Variants in TCERG1L observed in about 807,000 individuals in gnomAD.
TCERG1L encodes the protein transcription elongation regulator 1-like protein.
A neutral mutation model predicts 56.3 loss-of-function variants in TCERG1L; 37 were observed. The ratio of observed to expected loss-of-function variants is 0.66; its 90% CI spans 0.51 to 0.87. The LOEUF is 0.87. TCERG1L is among the 40% of genes least tolerant of loss of function. The pLI is 0.00. For missense variants in TCERG1L, 799 were observed against 774.2 expected, an observed-to-expected ratio of 1.03 and a Z score of -0.38; for synonymous variants, 324 against 326.3, an observed-to-expected ratio of 0.99 and a Z score of 0.08.
intron 6 of TCERG1L, chr10:131,162,025 G>A (rs1390098324): frequency 6.6e-6 from 1 of 152,262 alleles, no homozygotes; most frequent in Non-Finnish European, 1.5e-5. Context: ...AGGAGGTCAT[G>A]GGAACCCCAG....
intron 4 of TCERG1L, among the ~76,000 whole-genome samples, chr10:131,223,708 G>A (rs1564819622): frequency 6.6e-6 from 1 of 151,126 alleles, no homozygotes; most frequent in Non-Finnish European, 1.5e-5. Flanking sequence ...ACACACACAT[G>A]CTCACACACA....
chr10:131,175,557 C>T (rs944954084), intron 4 of TCERG1L, among the ~76,000 whole-genome samples: 2 of 152,250 alleles, frequency 1.3e-5, no homozygotes, highest in Admixed American at 1.3e-4. Context: ...CCACCTCTGA[C>T]CTCAATACAC....
intron 9 of TCERG1L, among the ~76,000 whole-genome samples, chr10:131,109,411 G>A (rs919936978): frequency 5.3e-5 from 8 of 152,098 alleles, no homozygotes; most frequent in Non-Finnish European, 8.8e-5. Flanking sequence ...TGTGACCGTG[G>A]CTGGGTCTGT....
intron 5 of TCERG1L, among the ~76,000 whole-genome samples, chr10:131,165,092 T>C (rs998557941): frequency 1.3e-5 from 2 of 152,200 alleles, no homozygotes; most frequent in Admixed American, 6.5e-5. Flanking sequence ...TAAGAGACAA[T>C]GGTGAGATAA....
At chr10:131,253,933 G>T (rs1846140548) in intron 4 of TCERG1L, among the ~76,000 whole-genome samples, 1 of 152,158 alleles carries the variant, frequency 6.6e-6, no homozygotes, top group Non-Finnish European at 1.5e-5. Context: ...TGACACCGAA[G>T]AGAATTGCCG....
intron 3 of TCERG1L, among the ~76,000 whole-genome samples, chr10:131,289,269 T>C (rs975670093): frequency 1.9e-4 from 29 of 152,160 alleles, no homozygotes; most frequent in Non-Finnish European, 4.0e-4. Context: ...CAGCAGGTGA[T>C]ACTCTCCTTT....
chr10:131,269,757 A>G (rs2133551847), intron 3 of TCERG1L, among the ~76,000 whole-genome samples: 1 of 152,370 alleles, frequency 6.6e-6, no homozygotes, highest in South Asian at 2.1e-4. Flanking sequence ...TAACAGAGAC[A>G]TGAAGTGAGC....
intron 4 of TCERG1L, among the ~76,000 whole-genome samples, chr10:131,229,977 C>T (rs747975607): frequency 6.6e-6 from 1 of 152,204 alleles, no homozygotes; most frequent in Non-Finnish European, 1.5e-5. Flanking sequence ...TTCCCCTCCG[C>T]AGAAGCAGCT....
At chr10:131,167,445 C>T (rs924597005) in intron 4 of TCERG1L, among the ~76,000 whole-genome samples, 1 of 152,226 alleles carries the variant, frequency 6.6e-6, no homozygotes, top group Non-Finnish European at 1.5e-5. Flanking sequence ...TGCCAACCTG[C>T]GCCCTGGACT....
At chr10:131,165,166 C>T (rs1473772630) in intron 5 of TCERG1L, among the ~76,000 whole-genome samples, 1 of 152,310 alleles carries the variant, frequency 6.6e-6, no homozygotes, top group East Asian at 1.9e-4. Flanking sequence ...CAGAGTGAAG[C>T]TGCGTCTTGG....
chr10:131,157,362 C>A (rs1845934778), intron 6 of TCERG1L, among the ~76,000 whole-genome samples: 1 of 152,092 alleles, frequency 6.6e-6, no homozygotes, highest in Admixed American at 6.5e-5. Flanking sequence ...ACAAAAATAG[C>A]TAACTACTCG....
intron 6 of TCERG1L, among the ~76,000 whole-genome samples, chr10:131,152,846 A>G (rs10829927): frequency 0.2 from 31,133 of 152,184 alleles, 3,574 homozygotes; most frequent in South Asian, 0.37. Context: ...AGGGTGGCAG[A>G]AGAGAGAATG....
rs147507020 is a variant in TCERG1L, at chr10:131,243,352, T to C, written c.856+16907A>G. On this transcript the variant is annotated intron_variant, in intron 4 of 11. Coordinates refer to ENST00000368642, the MANE Select transcript of TCERG1L (RefSeq NM_174937.4). ...ATCCCAGCATTCTGGGAGGCCGAGATGGGTGGATCACTTGAGGTCAGGAGT... is the reference window on the plus strand; with the variant it reads ...ATCCCAGCATTCTGGGAGGCCGAGACGGGTGGATCACTTGAGGTCAGGAGT... Among the ~76,000 whole-genome samples, 772 of 152,210 alleles carry C rather than the reference T, an allele frequency of 5.1e-3. 10 individuals carry two copies. The highest frequency in any genetic ancestry group is 0.01 in the Middle Eastern group (3 of 294).
At chr10:131,211,258 T>C (rs1176687285) in intron 4 of TCERG1L, among the ~76,000 whole-genome samples, 1 of 152,232 alleles carries the variant, frequency 6.6e-6, no homozygotes, top group Non-Finnish European at 1.5e-5. Flanking sequence ...TGAGGAGGAC[T>C]GTCCCTGGCC....
At chr10:131,138,689 C>T (rs780521125) in intron 7 of TCERG1L, among the ~76,000 whole-genome samples, 4 of 152,266 alleles carry the variant, frequency 2.6e-5, no homozygotes, top group Non-Finnish European at 4.4e-5. Flanking sequence ...AGGGGAAAAT[C>T]GTTGTGACAC....
intron 3 of TCERG1L, among the ~76,000 whole-genome samples, chr10:131,271,802 G>A (rs1426975048): frequency 1.3e-5 from 2 of 152,208 alleles, no homozygotes; most frequent in Non-Finnish European, 2.9e-5. Context: ...TGTGACCGGA[G>A]ACTGAATCTG....
intron 4 of TCERG1L, among the ~76,000 whole-genome samples, chr10:131,177,419 T>G (rs1292033087): frequency 1.3e-5 from 2 of 152,246 alleles, no homozygotes; most frequent in Non-Finnish European, 2.9e-5. Context: ...AGCTGATACA[T>G]GTACGTAAAC....
intron 4 of TCERG1L, among the ~76,000 whole-genome samples, chr10:131,227,604 G>T (rs769226595): frequency 6.6e-6 from 1 of 152,182 alleles, no homozygotes; most frequent in Non-Finnish European, 1.5e-5. Flanking sequence ...ACATCGGCCC[G>T]ACCCTGGGTT....
intron 4 of TCERG1L, among the ~76,000 whole-genome samples, chr10:131,250,963 C>A (rs985198205): frequency 6.6e-6 from 1 of 152,154 alleles, no homozygotes; most frequent in East Asian, 1.9e-4. Context: ...ACCACCGACA[C>A]TGGGCTCCGC....
Sources: allele counts gnomAD v4.1 joint callset (sites outside exome capture counted in the v4.1 genomes callset), GRCh38; gene constraint gnomAD v4.1.1; transcripts MANE v1.5; gene names NCBI Gene and HGNC (gene_info 2026-07-23, HGNC 2026-07-21).